AHNAK: variants seen among roughly 807,000 people sequenced by gnomAD.
The protein encoded by AHNAK is neuroblast differentiation-associated protein AHNAK.
Under a neutral mutation model 37.8 loss-of-function variants are expected in AHNAK, and 23 were observed. The ratio of observed to expected loss-of-function variants is 0.61; its 90% CI spans 0.44 to 0.86. AHNAK has a LOEUF of 0.86. Among genes scored for constraint, AHNAK ranks in the 40% least tolerant of loss-of-function variants. The pLI is 0.00. For missense variants in AHNAK, 7,411 were observed against 7,319.4 expected (o/e 1.01, Z -0.46); for synonymous variants, 2,481 against 2,636.3 (o/e 0.94, Z 1.80).
chr11:62,470,507 G>A (rs1590608300), intron 5 of AHNAK, among the ~76,000 whole-genome samples: 1 of 152,120 alleles, frequency 6.6e-6, no homozygotes, highest in South Asian at 2.1e-4. Context: ...TCGGGAGGCT[G>A]AGACAGGAGA....
At chr11:62,458,161 A>G (rs1443499345) in intron 5 of AHNAK, among the ~76,000 whole-genome samples, 2 of 151,218 alleles carry the variant, frequency 1.3e-5, no homozygotes, top group Non-Finnish European at 2.9e-5. Context: ...CTCATGATCC[A>G]CCCGCCTTGG....
At chr11:62,545,978 C>G (rs1941296307) in intron 1 of AHNAK, 1 of 152,264 alleles carries the variant, frequency 6.6e-6, no homozygotes, top group South Asian at 2.1e-4. Context: ...TAATTTTGTC[C>G]CCCTCCCCAC....
At chr11:62,504,532 C>G (rs188486804) in intron 4 of AHNAK, among the ~76,000 whole-genome samples, 6 of 152,124 alleles carry the variant, frequency 3.9e-5, no homozygotes, top group Non-Finnish European at 8.8e-5. Context: ...TAGAAAATGC[C>G]CTGGCGTTAT....
In AHNAK at chr11:62,523,809, C is replaced by A. The variant is rs1222135285; in HGVS notation, c.10608G>T (p.Met3536Ile). The A allele has an allele frequency of 6.2e-7, 1 of 1,614,002 alleles. No individual in the cohort carries two copies. The highest frequency in any genetic ancestry group is 8.5e-7 in the Non-Finnish European group (1 of 1,180,022). Residue 3536 changes from methionine (M) to isoleucine (I), a missense_variant, in exon 5 of 5, where the codon ATG becomes ATT. Coordinates refer to ENST00000378024, the MANE Select transcript of AHNAK (RefSeq NM_001620.3). ...LKGPKFKMPD[M>I]NIKAPKISMP... is the part of the protein sequence containing the mutation. ...TGGAGATCTTGGGAGCTTTGATATT[C>A]ATGTCAGGCATCTTGAATTTGGGAC...
intron 5 of AHNAK, among the ~76,000 whole-genome samples, chr11:62,480,177 C>A (rs1324591701): frequency 6.6e-6 from 1 of 152,234 alleles, no homozygotes; most frequent in Non-Finnish European, 1.5e-5. Flanking sequence ...CTGTCCTGGA[C>A]AGTGACAGCC....
chr11:62,519,877 G>A lies in AHNAK; in HGVS notation c.14540C>T (p.Pro4847Leu). 6.2e-7 allele frequency: 1 copy of A among 1,614,086 alleles called. No homozygotes were observed. The highest frequency in any genetic ancestry group is 1.1e-5 in the South Asian group (1 of 91,062). Residue 4847 changes from proline (P) to leucine (L), a missense_variant, in exon 5 of 5, where the codon CCC (proline) becomes CTC (leucine). Coordinates refer to ENST00000378024, the MANE Select transcript of AHNAK (RefSeq NM_001620.3). Reference sequence around the variant, plus strand: ...GTCAACATCAGGTATGGAGATCTTGGGAGCTTTGATATTTATTTCAGGCAT... The same window carrying A: ...GTCAACATCAGGTATGGAGATCTTGAGAGCTTTGATATTTATTTCAGGCAT... The part of the protein sequence containing the change: ...FKMPEINIKA[P>L]KISIPDVDLD...
At chr11:62,507,169 AG>A (rs1939827484) in intron 4 of AHNAK, among the ~76,000 whole-genome samples, 5 of 152,288 alleles carry the variant, frequency 3.3e-5, no homozygotes, top group Admixed American at 3.3e-4. Context: ...TGCTATTAAA[AG>A]CATGGGCTTT....
chr11:62,455,840 G>A lies in AHNAK; in HGVS notation c.443-21949C>T, dbSNP rs559266957. Among the ~76,000 whole-genome samples, 7 of 151,352 alleles carry A rather than the reference G, an allele frequency of 4.6e-5. No individual in the cohort carries two copies. The South Asian group carries it at 1.5e-3, about 32-fold the overall frequency. On this transcript the variant is annotated intron_variant, in intron 5 of 5. Coordinates refer to the AHNAK transcript ENST00000257247. The stretch of plus-strand genomic sequence containing the variant: ...AGATCGCACCATTGCACTCCAGCCT[G>A]GGTAACGAGCAAATCTCCATCCCCC...
chr11:62,524,291 G>C lies in AHNAK; in HGVS notation c.10126C>G (p.Pro3376Ala), dbSNP rs776408739. The change falls in exon 5 of 5, where the codon CCA becomes GCA. Residue 3376 changes from proline to alanine, a missense_variant. Transcript: ENST00000378024. ...TTTGGACCTGTTATGTCAATATCTG[G>C]CTTTTTACCTTTGACATCCACTTCA... ...TPEVDVKGKK[P>A]DIDITGPKVD... is the part of the protein sequence containing the mutation. The C allele has an allele frequency of 5.6e-6, 9 of 1,613,698 alleles. No homozygotes were observed. In the African/African-American group the frequency reaches 1.2e-4, roughly 22 times the overall value.
chr11:62,538,615 G>A (rs535709934), intron 1 of AHNAK, among the ~76,000 whole-genome samples: 1 of 152,206 alleles, frequency 6.6e-6, no homozygotes, highest in South Asian at 2.1e-4. Flanking sequence ...TTGCACTACA[G>A]ACGGAACCAG....
In AHNAK at chr11:62,451,668, T is replaced by C. The variant is rs182867989; in HGVS notation, c.443-17777A>G. Reference sequence around the variant, plus strand: ...CAGGAGAATTGCTTGAACCAGAAGGTGGAGGTTGCACTTAGCTGAGATTGC... The same window carrying C: ...CAGGAGAATTGCTTGAACCAGAAGGCGGAGGTTGCACTTAGCTGAGATTGC... On this transcript the variant is annotated intron_variant, in intron 5 of 5. Coordinates refer to the AHNAK transcript ENST00000257247. Among the ~76,000 whole-genome samples, 716 of 136,556 alleles carry C rather than the reference T, an allele frequency of 5.2e-3. 11 individuals are homozygous for C. The highest frequency in any genetic ancestry group is 0.019 in the African/African-American group (681 of 36,310). The allele number at this position is 136,556 out of a possible 152,430, so 89.6% of individuals were successfully genotyped here.
intron 5 of AHNAK, among the ~76,000 whole-genome samples, chr11:62,474,164 G>C (rs922574664): frequency 1.1e-4 from 16 of 151,178 alleles, no homozygotes; most frequent in South Asian, 4.2e-4. Flanking sequence ...AGAAATCTTG[G>C]GAGGGGGCCC....
chr11:62,528,792 C>T lies in AHNAK; in HGVS notation c.5625G>A (p.Val1875=), dbSNP rs199922225. The part of the protein sequence containing the change: ...KGPKVKGDAD[V]SVPKLEGDLT... Reference sequence around the variant, plus strand: ...AATCTCCCTCCAATTTTGGCACCGACACATCCGCATCCCCTTTGACTTTGG... The same window carrying T: ...AATCTCCCTCCAATTTTGGCACCGATACATCCGCATCCCCTTTGACTTTGG... Residue 1875 remains valine (V), a synonymous_variant, in exon 5 of 5, where the codon GTG becomes GTA. Coordinates refer to ENST00000378024, the MANE Select transcript of AHNAK (RefSeq NM_001620.3). The T allele has an allele frequency of 1.9e-6, 3 of 1,612,572 alleles. No homozygotes were observed. Among genetic ancestry groups the T allele is most frequent in the Non-Finnish European group, 2.5e-6 (3 of 1,179,572 alleles).
rs748138098 is a variant in AHNAK at position 62,524,406 on chromosome 11, G to A, written c.10011C>T (p.Ser3337=). 117 of 1,611,862 alleles carry A rather than the reference G, an allele frequency of 7.3e-5. No homozygotes were observed. Among genetic ancestry groups the A allele is most frequent in the Middle Eastern group, 3.3e-4 (2 of 6,072 alleles). Residue 3337 remains serine (S), a synonymous_variant, in exon 5 of 5, where the codon TCC becomes TCT. Coordinates refer to ENST00000378024, the MANE Select transcript of AHNAK (RefSeq NM_001620.3). ...LDIKGPEVDV[S]GPKLNIEGKS... ...TGCCTTCGATATTAAGCTTAGGACCGGAAACGTCCACTTCTGGGCCCTTTA... is the reference window on the plus strand; with the variant it reads ...TGCCTTCGATATTAAGCTTAGGACCAGAAACGTCCACTTCTGGGCCCTTTA...
At chr11:62,487,980 G>A (rs933494401) in intron 5 of AHNAK, among the ~76,000 whole-genome samples, 1 of 152,164 alleles carries the variant, frequency 6.6e-6, no homozygotes, top group Non-Finnish European at 1.5e-5. Context: ...AGGGGAAAGA[G>A]GCGTCTCTGG....
At chr11:62,481,843 G>A (rs1939283090) in intron 5 of AHNAK, among the ~76,000 whole-genome samples, 3 of 152,216 alleles carry the variant, frequency 2.0e-5, no homozygotes, top group Non-Finnish European at 4.4e-5. Context: ...GGGATTACAG[G>A]CGTGAACCAC....
intron 5 of AHNAK, among the ~76,000 whole-genome samples, chr11:62,460,503 G>A (rs1209907027): frequency 6.6e-6 from 1 of 152,182 alleles, no homozygotes; most frequent in African/African-American, 2.4e-5. Context: ...ATAGTAGCAG[G>A]GGGCGGCTGG....
At chr11:62,542,494 T>C (rs1270215975) in intron 1 of AHNAK, among the ~76,000 whole-genome samples, 2 of 151,706 alleles carry the variant, frequency 1.3e-5, no homozygotes, top group Admixed American at 6.6e-5. Flanking sequence ...GGGCAGCCCT[T>C]ACACCCCAAC....
intron 1 of AHNAK, among the ~76,000 whole-genome samples, chr11:62,546,273 AACATGGGAT>A (rs1411844407): frequency 5.9e-5 from 9 of 152,166 alleles, no homozygotes; most frequent in Non-Finnish European, 1.0e-4. Flanking sequence ...CCCTCCAGTA[AACATGGGAT>A]ACGAACGGAG....
Sources: gnomAD v4.1 joint callset for allele counts (sites outside exome capture counted in the v4.1 genomes callset) on GRCh38, gnomAD v4.1.1 for gene constraint, MANE v1.5 for transcripts, NCBI Gene and HGNC (gene_info 2026-07-23, HGNC 2026-07-21) for gene names.